The following AOX1 variants were observed in gnomAD, a reference collection of about 807,000 sequenced individuals.
AOX1 encodes aldehyde oxidase.
In AOX1, 153 loss-of-function variants were observed where a neutral mutation model predicts 169.5. That is an observed-to-expected ratio of 0.90 (90% CI 0.79 to 1.03). The LOEUF (loss-of-function observed/expected upper bound fraction) is 1.03, where lower values mean the gene tolerates loss of function less well. AOX1 is among the 50% of genes least tolerant of loss of function. The probability of loss-of-function intolerance (pLI) is 0.00; values close to 1 mark genes in which losing one functional copy is unlikely to be tolerated. For synonymous variants in AOX1, 562 were observed against 581.9 expected (o/e 0.97, Z 0.49); for missense variants, 1,656 against 1,663.9 (o/e 1.00, Z 0.08).
rs1462460218 is a variant in AOX1, at chr2:200,657,166, AT to A, written c.3171+230del. On this transcript the variant is annotated intron_variant, in intron 27 of 34. Coordinates refer to ENST00000374700, the MANE Select transcript of AOX1 (RefSeq NM_001159.4). ...TAGGGAGATTCCATCTCTACCAAAA[AT>A]ATATATATATATATATATATATATT... 2.0e-4 allele frequency among the ~76,000 whole-genome samples: 14 copies of A among 70,160 alleles called. 1 individual carries two copies. The East Asian group carries it at 3.1e-3, about 15-fold the overall frequency. 46.0% of individuals were successfully genotyped at this position (70,160 alleles called of 152,430 possible). A position where few individuals can be genotyped will look rare whatever the true frequency, so the allele number is the denominator to read the frequency against.
At position 200,603,374 on chromosome 2, in the gene AOX1, C is replaced by G; in HGVS notation, c.588+18C>G. The stretch of plus-strand genomic sequence containing the variant: ...GAAGTAAGGTCAGTGAAATGTAAAG[C>G]TTTTATAAGGCTTTCTCAGGACATG... On this transcript the variant is annotated intron_variant, in intron 7 of 34. Coordinates refer to ENST00000374700, the MANE Select transcript of AOX1 (RefSeq NM_001159.4). 6.3e-7 allele frequency: 1 copy of G among 1,595,764 alleles called. No homozygotes were observed. The highest frequency in any genetic ancestry group is 1.3e-5 in the African/African-American group (1 of 74,662).
chr2:200,636,845 A>G (rs4622702), intron 21 of AOX1, 66 bp from the exon 22 acceptor site: 234,232 of 1,537,402 alleles, frequency 0.15, 19,463 homozygotes, highest in African/African-American at 0.24. Flanking sequence ...AGATGTGACA[A>G]TGACAGTCAC....
rs539379084 is a variant in AOX1, at chr2:200,626,679, G to A, written c.2125-674G>A. On this transcript the variant is annotated intron_variant, in intron 19 of 34. Coordinates refer to ENST00000374700, the MANE Select transcript of AOX1 (RefSeq NM_001159.4). ...GTCTGAAATCTTACTTCCAGAGCTG[G>A]AGGTCCCAGGTGCTCTACTGCCCTG... is the stretch of plus-strand genomic sequence containing the variant. Among the ~76,000 whole-genome samples the A allele has an allele frequency of 9.7e-4, 147 of 152,306 alleles. 2 individuals carry two copies. Among genetic ancestry groups the A allele is most frequent in the Non-Finnish European group, 2.8e-4 (19 of 68,022 alleles).
Position 200,641,138 on chromosome 2 carries a change from TG to T in AOX1, c.2611del (p.Glu871SerfsTer16). 6.2e-7 allele frequency: 1 copy of T among 1,613,650 alleles called. No homozygotes were observed. Among genetic ancestry groups the T allele is most frequent in the Non-Finnish European group, 8.5e-7 (1 of 1,179,612 alleles). ...GATGGCAGAATCTTGGCCCTGGACA[TG>T]GAGCATTACAGCAATGCAGGCGCCT... ...MNDGRILALDMEHYSNAGASL... is the reference protein window; with the variant it reads ...MNDGRILALDXEHYSNAGASL... On this transcript the variant is annotated frameshift_variant, in exon 24 of 35. Coordinates refer to ENST00000374700, the MANE Select transcript of AOX1 (RefSeq NM_001159.4). LOFTEE classifies it high-confidence loss of function.
rs1481533891 is a variant in AOX1 at position 200,608,985 on chromosome 2, A to C, written c.909A>C (p.Gly303=). ...TATTTACAAATGACTTCATTTCAGG[A>C]CTCACCCTTGGTGCTGGTCTCAGCC... is the stretch of plus-strand genomic sequence containing the variant. ...ELSVVNHAYN[G]LTLGAGLSLA... Residue 303 remains glycine (G), a splice_region_variant and synonymous_variant, in exon 11 of 35, where the codon GGA becomes GGC. Coordinates refer to ENST00000374700, the MANE Select transcript of AOX1 (RefSeq NM_001159.4). The C allele has an allele frequency of 1.2e-6, 2 of 1,612,562 alleles. No individual in the cohort carries two copies. Among genetic ancestry groups the C allele is most frequent in the Non-Finnish European group, 1.7e-6 (2 of 1,179,582 alleles).
chr2:200,670,596 A>G (rs746007190), intron 34 of AOX1, 33 bp from the exon 35 acceptor site: 1 of 1,591,306 alleles, frequency 6.3e-7, no homozygotes, highest in East Asian at 2.2e-5. Flanking sequence ...AACATTTCCC[A>G]GGTTTGAACA....
In AOX1 at chr2:200,608,973, C is replaced by A; in HGVS notation, c.908-11C>A. 6.2e-7 allele frequency: 1 copy of A among 1,610,888 alleles called. No homozygotes were observed. Among genetic ancestry groups the A allele is most frequent in the Non-Finnish European group, 8.5e-7 (1 of 1,178,882 alleles). On this transcript the variant is annotated splice_polypyrimidine_tract_variant and intron_variant, in intron 10 of 34. Transcript: ENST00000374700. ...ATCGCACTGTGTTATTTACAAATGA[C>A]TTCATTTCAGGACTCACCCTTGGTG... is the stretch of plus-strand genomic sequence containing the variant.
At chr2:200,671,929 A>C (rs934179012), downstream of AOX1, among the ~76,000 whole-genome samples, 93 of 152,226 alleles carry the variant, frequency 6.1e-4, 2 homozygotes, top group Non-Finnish European at 1.5e-4. Flanking sequence ...TCAACTAATA[A>C]AATGTGGTAT....
chr2:200,596,451 G>A (rs1038135423), intron 3 of AOX1, among the ~76,000 whole-genome samples: 6 of 152,152 alleles, frequency 3.9e-5, no homozygotes, highest in African/African-American at 7.2e-5. Flanking sequence ...TTTGTTTAAG[G>A]ACCAGTATGC....
intron 1 of AOX1, chr2:200,588,120 G>GCTTTT (rs879542396): frequency 6.6e-6 from 1 of 152,490 alleles, no homozygotes; most frequent in Non-Finnish European, 1.5e-5. Context: ...GGGACAGAGA[G>GCTTTT]TATGCAGGAT....
chr2:200,605,502 T>C, intron 9 of AOX1, 34 bp from the exon 10 acceptor site: 2 of 1,125,378 alleles, frequency 1.8e-6, no homozygotes, highest in Non-Finnish European at 2.4e-6. Context: ...TTTATTCTAG[T>C]CTTATTGATT....
chr2:200,666,390 A>T (rs925884409), intron 31 of AOX1, among the ~76,000 whole-genome samples: 1 of 152,220 alleles, frequency 6.6e-6, no homozygotes, highest in Admixed American at 6.6e-5. Context: ...GTTGTAGTGA[A>T]TTAAACTCAA....
intron 20 of AOX1, among the ~76,000 whole-genome samples, chr2:200,632,869 T>A (rs2035154447): frequency 6.7e-6 from 1 of 149,914 alleles, no homozygotes; most frequent in South Asian, 2.2e-4. Flanking sequence ...ATCTACTGTC[T>A]TTAAAAGTGC....
intron 25 of AOX1, among the ~76,000 whole-genome samples, chr2:200,646,167 C>T (rs1559253411): frequency 6.6e-6 from 1 of 152,078 alleles, no homozygotes; most frequent in Non-Finnish European, 1.5e-5. Context: ...TCAGTCTGTG[C>T]ACTGTCAGTC....
intron 23 of AOX1, among the ~76,000 whole-genome samples, chr2:200,639,048 T>C (rs200154567): frequency 6.6e-6 from 1 of 152,242 alleles, no homozygotes; most frequent in African/African-American, 2.4e-5. Context: ...CATATGGCTA[T>C]TTAAATTTAA....
rs886500861 is a variant in AOX1 at position 200,603,153 on chromosome 2, A to G, written c.499-114A>G. 19 of 808,144 alleles carry G rather than the reference A, an allele frequency of 2.4e-5. No individual in the cohort carries two copies. In the African/African-American group the frequency reaches 3.3e-4, roughly 14 times the overall value. 50.1% of individuals were successfully genotyped at this position (808,144 alleles called of 1,614,324 possible). A position where few individuals can be genotyped will look rare whatever the true frequency, so the allele number is the denominator to read the frequency against. ...GTTTAAGTACAAATGGCTCTCTTTCATGGCATCTAACGATATTGATTCAGC... is the reference window on the plus strand; with the variant it reads ...GTTTAAGTACAAATGGCTCTCTTTCGTGGCATCTAACGATATTGATTCAGC... On this transcript the variant is annotated intron_variant, in intron 6 of 34. Transcript: ENST00000374700.
intron 26 of AOX1, among the ~76,000 whole-genome samples, chr2:200,656,102 A>G (rs181177422): frequency 6.6e-6 from 1 of 152,308 alleles, no homozygotes; most frequent in African/African-American, 2.4e-5. Flanking sequence ...CTGCTGCAAA[A>G]CTGTAAAGGT....
At chr2:200,667,458 G>A (rs997901354) in intron 32 of AOX1, among the ~76,000 whole-genome samples, 108 of 47,910 alleles carry the variant, frequency 2.3e-3, no homozygotes, top group African/African-American at 3.8e-3. Context: ...CCCACCCCCC[G>A]CCCCCACCAT....
At chr2:200,603,516 T>C (rs753264884) in intron 7 of AOX1, among the ~76,000 whole-genome samples, 160 bp downstream of exon 7, 3 of 152,202 alleles carry the variant, frequency 2.0e-5, no homozygotes, top group Non-Finnish European at 1.5e-5. Flanking sequence ...AAAAAAATTA[T>C]ATCGCAGCAA....
Sources: gnomAD v4.1 joint callset for allele counts (sites outside exome capture counted in the v4.1 genomes callset) on GRCh38, gnomAD v4.1.1 for gene constraint, MANE v1.5 for transcripts, NCBI Gene and HGNC (gene_info 2026-07-23, HGNC 2026-07-21) for gene names.